The following ATXN2 variants were observed in gnomAD, a reference collection of about 807,000 sequenced individuals.
ATXN2 encodes the protein ataxin 2, also known as ataxin-2.
A neutral mutation model predicts 138.6 loss-of-function variants in ATXN2; 37 were observed. That is an observed-to-expected ratio of 0.27 (90% CI 0.21 to 0.35). ATXN2 has a LOEUF of 0.35. Ranked by LOEUF, ATXN2 falls within the 10% of genes least tolerant of loss-of-function variation. The pLI is 1.00. For missense variants in ATXN2, 1,216 were observed against 1,480.3 expected, an observed-to-expected ratio of 0.82 and a Z score of 2.93; for synonymous variants, 549 against 543.7, an observed-to-expected ratio of 1.01 and a Z score of -0.13.
In ATXN2 at chr12:111,510,509, C is replaced by T. The variant is rs770132766; in HGVS notation, c.1632G>A (p.Gly544=). The part of the protein sequence containing the change: ...RQNSIGNTPS[G]PVLASPQAGI... ...CAGCTTGGGGAGAAGCAAGAACTGG[C>T]CCACTGGGGGTATTTCCAATACTGT... The change falls in exon 12 of 25, where the codon GGG becomes GGA. Residue 544 remains glycine, a synonymous_variant. Coordinates refer to ENST00000673436, the MANE Select transcript of ATXN2 (RefSeq NM_001372574.1). 6.2e-7 allele frequency: 1 copy of T among 1,614,038 alleles called. No individual in the cohort carries two copies. Among genetic ancestry groups the T allele is most frequent in the Admixed American group, 1.7e-5 (1 of 60,014 alleles).
At chr12:111,507,647 C>T (rs1415749726) in intron 14 of ATXN2, among the ~76,000 whole-genome samples, 4 of 152,360 alleles carry the variant, frequency 2.6e-5, no homozygotes, top group South Asian at 2.1e-4. Flanking sequence ...GCCACCACCC[C>T]GTCTGGGAGG....
chr12:111,518,660 C>T (rs1342030804), intron 8 of ATXN2, among the ~76,000 whole-genome samples: 1 of 152,194 alleles, frequency 6.6e-6, no homozygotes, highest in African/African-American at 2.4e-5. Flanking sequence ...CAGATGCGTG[C>T]TCATTCTCAT....
At chr12:111,583,369 G>A (rs1288175181) in intron 1 of ATXN2, among the ~76,000 whole-genome samples, 1 of 152,080 alleles carries the variant, frequency 6.6e-6, no homozygotes, top group Non-Finnish European at 1.5e-5. Context: ...ATTCAAACAT[G>A]TGACCAAGCA....
chr12:111,510,118 CT>C, intron 12 of ATXN2, 120 bp from the exon 13 acceptor site: 3 of 787,230 alleles, frequency 3.8e-6, no homozygotes, highest in Non-Finnish European at 5.9e-6. Flanking sequence ...TAAACAGAGG[CT>C]TTTTTTCCTT....
At chr12:111,523,190 G>C (rs1880282776) in intron 6 of ATXN2, among the ~76,000 whole-genome samples, 1 of 151,222 alleles carries the variant, frequency 6.6e-6, no homozygotes, top group South Asian at 2.1e-4. Context: ...TTGAACCCGG[G>C]AGGCGGAGGT....
At chr12:111,587,073 C>CAAAAAAAAA (rs374631048) in intron 1 of ATXN2, among the ~76,000 whole-genome samples, 3 of 112,886 alleles carry the variant, frequency 2.7e-5, no homozygotes, top group Non-Finnish European at 3.5e-5. Context: ...CCATTTCTAC[C>CAAAAAAAAA]AAAAAAAAAA....
At position 111,510,554 on chromosome 12, in the gene ATXN2, T is replaced by C. The variant is rs757214513; in HGVS notation, c.1587A>G (p.Arg529=). Residue 529 remains arginine (R), a synonymous_variant, in exon 12 of 25, where the codon AGA becomes AGG. Coordinates refer to ENST00000673436, the MANE Select transcript of ATXN2 (RefSeq NM_001372574.1). ...TACTGTTCTGTCTGGGAGACCTGGG[T>C]CTATGAGTTTTAGGGGATAATCTTG... ...GVPRLSPKTH[R]PRSPRQNSIG... 2 of 1,613,466 alleles carry C rather than the reference T, an allele frequency of 1.2e-6. No homozygotes were observed. The highest frequency in any genetic ancestry group is 3.3e-5 in the Admixed American group (2 of 59,976).
Position 111,583,236 on chromosome 12 carries a change from C to T in ATXN2, c.251+15548G>A, listed in dbSNP as rs911257305. On this transcript the variant is annotated intron_variant, in intron 1 of 24. Transcript: ENST00000673436. Reference sequence around the variant, plus strand: ...TCGATCTCCTGACCTCGTGATCCACCCGCCTCAGCCTCCCAAAGTGCTGGG... The same window carrying T: ...TCGATCTCCTGACCTCGTGATCCACTCGCCTCAGCCTCCCAAAGTGCTGGG... Among the ~76,000 whole-genome samples, 9 of 151,812 alleles carry T rather than the reference C, an allele frequency of 5.9e-5. 1 individual carries two copies. In the South Asian group the frequency reaches 1.0e-3, roughly 18 times the overall value.
At chr12:111,539,700 G>A (rs1049288889) in intron 5 of ATXN2, among the ~76,000 whole-genome samples, 3 of 149,894 alleles carry the variant, frequency 2.0e-5, no homozygotes, top group Non-Finnish European at 3.0e-5. Context: ...AGTGAGCCGA[G>A]ATCGCGCTAC....
chr12:111,564,616 G>T (rs1882890040), intron 1 of ATXN2, among the ~76,000 whole-genome samples: 1 of 149,688 alleles, frequency 6.7e-6, no homozygotes, highest in Non-Finnish European at 1.5e-5. Flanking sequence ...AGCTGCAACA[G>T]CAATACAACA....
chr12:111,572,257 C>G (rs148313524), intron 1 of ATXN2, among the ~76,000 whole-genome samples: 1 of 151,664 alleles, frequency 6.6e-6, no homozygotes, highest in Non-Finnish European at 1.5e-5. Flanking sequence ...AGAAATTAGC[C>G]GAGCGTGGTG....
At chr12:111,533,770 A>G (rs1476988915) in intron 5 of ATXN2, among the ~76,000 whole-genome samples, 1 of 152,146 alleles carries the variant, frequency 6.6e-6, no homozygotes, top group Non-Finnish European at 1.5e-5. Context: ...CAGGTGATCC[A>G]TCTGCCTCAG....
At chr12:111,492,564 C>G (rs1477202271) in intron 14 of ATXN2, among the ~76,000 whole-genome samples, 1 of 152,148 alleles carries the variant, frequency 6.6e-6, no homozygotes, top group East Asian at 1.9e-4. Context: ...CACCTGTAAT[C>G]CCAGCTACTC....
chr12:111,583,702 G>A (rs1253606539), intron 1 of ATXN2, among the ~76,000 whole-genome samples: 2 of 145,338 alleles, frequency 1.4e-5, no homozygotes, highest in South Asian at 2.2e-4. Flanking sequence ...AGGAGGTGGA[G>A]GTTGCAGTGA....
chr12:111,595,847 G>A (rs1448544240), intron 1 of ATXN2, among the ~76,000 whole-genome samples: 1 of 147,322 alleles, frequency 6.8e-6, no homozygotes, highest in African/African-American at 2.7e-5. Context: ...ATCACTTGAG[G>A]TCAGGAGGAG....
At chr12:111,594,699 A>G (rs1361077821) in intron 1 of ATXN2, among the ~76,000 whole-genome samples, 1 of 152,176 alleles carries the variant, frequency 6.6e-6, no homozygotes, top group Non-Finnish European at 1.5e-5. Flanking sequence ...TAGAAGAAGA[A>G]GAGTCAACCA....
chr12:111,532,265 A>T (rs1399765236), intron 5 of ATXN2, among the ~76,000 whole-genome samples: 1 of 152,148 alleles, frequency 6.6e-6, no homozygotes. Flanking sequence ...GGATCACTTG[A>T]GGTCAGGAGT....
Position 111,453,263 on chromosome 12 carries a change from C to T in ATXN2, c.3439+414G>A. On this transcript the variant is annotated intron_variant, in intron 24 of 24. Coordinates refer to ENST00000673436, the MANE Select transcript of ATXN2 (RefSeq NM_001372574.1). This position sits in a 1 kb window ranked among gnomAD's most constrained non-coding sequence, Gnocchi z 5.4. ...ACGCTACACTCAAAGCCAGTCCATC[C>T]ACAGCGCTTTCTCAGCAGTATCTTC... 9.4e-7 allele frequency: 1 copy of T among 1,062,082 alleles called. No individual in the cohort carries two copies. Among genetic ancestry groups the T allele is most frequent in the Non-Finnish European group, 1.1e-6 (1 of 880,142 alleles). The allele number at this position is 1,062,082 out of a possible 1,614,324, so 65.8% of individuals were successfully genotyped here. A position where few individuals can be genotyped will look rare whatever the true frequency, so the allele number is the denominator to read the frequency against.
At chr12:111,597,606 C>A in intron 1 of ATXN2, 1 of 406,920 alleles carries the variant, frequency 2.5e-6, no homozygotes, top group South Asian at 1.7e-5. Context: ...GAAATACGAA[C>A]TGACAACCGC....
Sources: gnomAD v4.1 joint callset for allele counts (sites outside exome capture counted in the v4.1 genomes callset) on GRCh38, gnomAD v4.1.1 for gene constraint, Gnocchi (gnomAD v3.1) non-coding constraint, MANE v1.5 for transcripts, NCBI Gene and HGNC (gene_info 2026-07-23, HGNC 2026-07-21) for gene names.